The following EPB41L4A variants were observed in gnomAD, a reference collection of about 807,000 sequenced individuals.
EPB41L4A encodes band 4.1-like protein 4A.
A neutral mutation model predicts 108.6 loss-of-function variants in EPB41L4A; 100 were observed. The observed-to-expected ratio is 0.92, with a 90% CI of 0.78 to 1.09. EPB41L4A has a LOEUF of 1.09. EPB41L4A is among the 50% of genes least tolerant of loss of function. EPB41L4A has a pLI of 0.00. For missense variants in EPB41L4A, 1,030 were observed against 842.7 expected, an observed-to-expected ratio of 1.22 and a Z score of -2.75; for synonymous variants, 319 against 289.0, an observed-to-expected ratio of 1.10 and a Z score of -1.05.
At chr5:112,218,511 C>T (rs1222394181) in intron 12 of EPB41L4A, among the ~76,000 whole-genome samples, 2 of 152,188 alleles carry the variant, frequency 1.3e-5, no homozygotes, top group Non-Finnish European at 2.9e-5. Flanking sequence ...AAACATTCTC[C>T]AGCCATCTCT....
chr5:112,316,878 T>A (rs1357637141), intron 1 of EPB41L4A, among the ~76,000 whole-genome samples: 1 of 152,202 alleles, frequency 6.6e-6, no homozygotes, highest in Non-Finnish European at 1.5e-5. Flanking sequence ...ATGGCTGGAA[T>A]GGCTGGAAGC....
At chr5:112,374,538 C>T (rs1393235641) in intron 1 of EPB41L4A, among the ~76,000 whole-genome samples, 1 of 152,212 alleles carries the variant, frequency 6.6e-6, no homozygotes, top group Admixed American at 6.5e-5. Flanking sequence ...ATAAATATTA[C>T]TCAGCAATAT....
intron 1 of EPB41L4A, among the ~76,000 whole-genome samples, chr5:112,343,193 C>G (rs1473098534): frequency 6.6e-6 from 1 of 152,220 alleles, no homozygotes; most frequent in Non-Finnish European, 1.5e-5. Flanking sequence ...CAACAGCCCC[C>G]GAAAAACACT....
At chr5:112,403,268 G>C (rs1479273807) in intron 1 of EPB41L4A, among the ~76,000 whole-genome samples, 1 of 150,004 alleles carries the variant, frequency 6.7e-6, no homozygotes, top group African/African-American at 2.5e-5. Context: ...CTAGGATCAA[G>C]CTCTTCTTGG....
intron 3 of EPB41L4A, among the ~76,000 whole-genome samples, chr5:112,279,068 A>G: frequency 6.6e-6 from 1 of 151,156 alleles, no homozygotes; most frequent in South Asian, 2.1e-4. Flanking sequence ...CCGTCTCAAA[A>G]AAAAAAAAAA....
At chr5:112,255,292 T>TCCC (rs1750998976) in intron 9 of EPB41L4A, among the ~76,000 whole-genome samples, 1 of 152,166 alleles carries the variant, frequency 6.6e-6, no homozygotes, top group Non-Finnish European at 1.5e-5. Context: ...TCCTGTTACC[T>TCCC]CTCTTATGGG....
chr5:112,281,550 G>C (rs1752968296), intron 2 of EPB41L4A, among the ~76,000 whole-genome samples: 1 of 152,164 alleles, frequency 6.6e-6, no homozygotes, highest in Admixed American at 6.5e-5. Context: ...GGGACCCCCA[G>C]GGCCAAGCCA....
intron 12 of EPB41L4A, among the ~76,000 whole-genome samples, chr5:112,231,984 G>T (rs764034686): frequency 1.3e-5 from 2 of 151,588 alleles, no homozygotes; most frequent in African/African-American, 4.9e-5. Context: ...GCGTGGTGGC[G>T]TATGCCTGTA....
At chr5:112,353,061 T>C (rs988091402) in intron 1 of EPB41L4A, among the ~76,000 whole-genome samples, 2 of 152,214 alleles carry the variant, frequency 1.3e-5, no homozygotes, top group African/African-American at 4.8e-5. Flanking sequence ...TACAGCAGTG[T>C]AGTGCCCATA....
intron 1 of EPB41L4A, among the ~76,000 whole-genome samples, chr5:112,339,102 C>T (rs1055716463): frequency 6.6e-6 from 1 of 152,048 alleles, no homozygotes; most frequent in African/African-American, 2.4e-5. Flanking sequence ...ACAGGCCTGG[C>T]GACTGGGTTT....
chr5:112,282,386 C>G (rs1456632484), intron 2 of EPB41L4A, among the ~76,000 whole-genome samples: 1 of 152,140 alleles, frequency 6.6e-6, no homozygotes, highest in Non-Finnish European at 1.5e-5. Context: ...AAGAGAAAAC[C>G]AAGGAAAACA....
At chr5:112,326,830 C>G (rs187334201) in intron 1 of EPB41L4A, among the ~76,000 whole-genome samples, 1 of 152,160 alleles carries the variant, frequency 6.6e-6, no homozygotes, top group South Asian at 2.1e-4. Context: ...CTTCTACATT[C>G]AATCAAATCT....
chr5:112,407,453 G>A (rs1561651320), intron 1 of EPB41L4A, among the ~76,000 whole-genome samples: 1 of 152,074 alleles, frequency 6.6e-6, no homozygotes, highest in Non-Finnish European at 1.5e-5. Context: ...AGGTGGGAAG[G>A]GTGTGTGTGT....
intron 7 of EPB41L4A, 62 bp downstream of exon 7, chr5:112,262,432 G>A: frequency 3.6e-6 from 5 of 1,402,046 alleles, no homozygotes; most frequent in Non-Finnish European, 5.0e-6. Flanking sequence ...GGGAGTCTCA[G>A]TGACTTTTTA....
intron 12 of EPB41L4A, among the ~76,000 whole-genome samples, chr5:112,149,082 A>G (rs1464537450): frequency 6.6e-6 from 1 of 152,208 alleles, no homozygotes; most frequent in Non-Finnish European, 1.5e-5. Flanking sequence ...GCAGCAATAG[A>G]AAAAGAATTG....
intron 12 of EPB41L4A, 100 bp from the exon 13 acceptor site, chr5:112,210,082 T>C: frequency 1.5e-6 from 1 of 659,488 alleles, no homozygotes; most frequent in Admixed American, 2.9e-5. Flanking sequence ...TTAGGGACAC[T>C]GTGGCACATT....
At chr5:112,368,125 C>T (rs971599732) in intron 1 of EPB41L4A, among the ~76,000 whole-genome samples, 2 of 152,152 alleles carry the variant, frequency 1.3e-5, no homozygotes, top group Non-Finnish European at 2.9e-5. Flanking sequence ...CACATTTTCT[C>T]GTAGCTTTTA....
intron 12 of EPB41L4A, among the ~76,000 whole-genome samples, chr5:112,155,953 T>G (rs1463485711): frequency 6.6e-6 from 1 of 152,146 alleles, no homozygotes; most frequent in African/African-American, 2.4e-5. Context: ...TAATATCAAA[T>G]TTTTAAAACA....
chr5:112,161,659 C>G (rs528338788), downstream of EPB41L4A: 1 of 517,142 alleles, frequency 1.9e-6, no homozygotes, highest in African/African-American at 1.9e-5. Flanking sequence ...CCCTGCTAGC[C>G]TTAAGTGTAT....
Sources: allele counts gnomAD v4.1 joint callset (sites outside exome capture counted in the v4.1 genomes callset), GRCh38; gene constraint gnomAD v4.1.1; transcripts MANE v1.5; gene names NCBI Gene and HGNC (gene_info 2026-07-23, HGNC 2026-07-21).